CNTN4: variants seen among roughly 807,000 people sequenced by gnomAD.
CNTN4 encodes contactin 4.
A neutral mutation model predicts 122.5 loss-of-function variants in CNTN4; 77 were observed. The observed-to-expected ratio is 0.63, with a 90% CI of 0.52 to 0.76. The LOEUF (loss-of-function observed/expected upper bound fraction) is 0.76. CNTN4 is among the 30% of genes least tolerant of loss of function. The pLI is 0.00. For missense variants in CNTN4, 1,256 were observed against 1,259.1 expected (o/e 1.00, Z 0.04); for synonymous variants, 512 against 447.0 (o/e 1.15, Z -1.83).
In CNTN4 at chr3:2,613,634, C is replaced by G. The variant is rs533963584; in HGVS notation, c.55+42076C>G. On this transcript the variant is annotated intron_variant, in intron 4 of 24. Coordinates refer to ENST00000418658, the MANE Select transcript of CNTN4 (RefSeq NM_175607.3). ...ACTTTTTGTAGGGCTAATTTTGACT[C>G]CAATTTTTGCTATATGATCAGAGTT... Among the ~76,000 whole-genome samples, 22 of 152,102 alleles carry G rather than the reference C, an allele frequency of 1.4e-4. 1 individual carries two copies. In the South Asian group the frequency reaches 4.6e-3, roughly 32 times the overall value.
intron 7 of CNTN4, among the ~76,000 whole-genome samples, chr3:2,861,054 G>T (rs775990020): frequency 7.9e-5 from 12 of 152,256 alleles, no homozygotes; most frequent in Non-Finnish European, 1.3e-4. Context: ...TGAAAAAAAT[G>T]CCAAAAGAAA....
chr3:2,603,998 A>G (rs1033438972), intron 4 of CNTN4, among the ~76,000 whole-genome samples: 8 of 152,180 alleles, frequency 5.3e-5, no homozygotes, highest in Non-Finnish European at 8.8e-5. Flanking sequence ...CTTTCTGTCA[A>G]TGCCTGCTTC....
intron 6 of CNTN4, among the ~76,000 whole-genome samples, chr3:2,801,889 C>T (rs1461556088): frequency 1.3e-5 from 2 of 152,126 alleles, no homozygotes; most frequent in Non-Finnish European, 2.9e-5. Context: ...ATACTTAATG[C>T]CATCCATGTC....
chr3:2,128,777 G>T (rs1253226912), intron 2 of CNTN4, among the ~76,000 whole-genome samples: 1 of 152,172 alleles, frequency 6.6e-6, no homozygotes, highest in African/African-American at 2.4e-5. Flanking sequence ...ATTTGCACAG[G>T]GGTGAGATGT....
intron 6 of CNTN4, among the ~76,000 whole-genome samples, chr3:2,789,519 G>A (rs944327234): frequency 2.0e-5 from 3 of 152,114 alleles, no homozygotes; most frequent in Non-Finnish European, 4.4e-5. Flanking sequence ...TGCAACCTCC[G>A]CCTCCCGGGT....
At chr3:2,670,548 A>G (rs1055159409) in intron 4 of CNTN4, among the ~76,000 whole-genome samples, 1 of 146,016 alleles carries the variant, frequency 6.8e-6, no homozygotes, top group Non-Finnish European at 1.5e-5. Flanking sequence ...TCTTTATCCA[A>G]TTTGCCAGTC....
chr3:2,917,037 C>T (rs1275415573), intron 12 of CNTN4, among the ~76,000 whole-genome samples: 1 of 125,226 alleles, frequency 8.0e-6, no homozygotes, highest in Non-Finnish European at 1.7e-5. Flanking sequence ...AACCAGACTC[C>T]GTCTGCCATC....
intron 3 of CNTN4, among the ~76,000 whole-genome samples, chr3:2,418,918 C>T (rs1393934828): frequency 2.0e-5 from 3 of 151,946 alleles, no homozygotes; most frequent in Non-Finnish European, 4.4e-5. Context: ...ATCCTACAAC[C>T]CGTAGGATGA....
intron 14 of CNTN4, among the ~76,000 whole-genome samples, chr3:2,991,778 G>A (rs1350461451): frequency 1.3e-5 from 2 of 152,152 alleles, no homozygotes; most frequent in Admixed American, 6.5e-5. Flanking sequence ...CTTGAGCCCT[G>A]CACCTTTAGT....
At chr3:2,697,052 T>A (rs2086077174) in intron 4 of CNTN4, among the ~76,000 whole-genome samples, 1 of 152,240 alleles carries the variant, frequency 6.6e-6, no homozygotes, top group South Asian at 2.1e-4. Flanking sequence ...CTGCCTATTC[T>A]ATGGTGTTTG....
At chr3:2,540,103 A>G (rs1259053970) in intron 3 of CNTN4, among the ~76,000 whole-genome samples, 1 of 151,796 alleles carries the variant, frequency 6.6e-6, no homozygotes, top group African/African-American at 2.4e-5. Flanking sequence ...GTGTATCAGC[A>G]AATATTTTTT....
intron 6 of CNTN4, among the ~76,000 whole-genome samples, chr3:2,815,853 A>AGTGGGCACTTATT (rs1431282874): frequency 7.2e-6 from 1 of 138,574 alleles, no homozygotes; most frequent in East Asian, 2.0e-4. Context: ...TCAATCAATA[A>AGTGGGCACTTATT]GTGGCTAAAG....
intron 2 of CNTN4, among the ~76,000 whole-genome samples, chr3:2,203,845 A>G (rs1011838314): frequency 1.3e-5 from 2 of 152,180 alleles, no homozygotes; most frequent in African/African-American, 4.8e-5. Context: ...GGTAGAAGCC[A>G]GTAAACAGAA....
chr3:2,856,360 C>G (rs2093618019), intron 7 of CNTN4, among the ~76,000 whole-genome samples: 1 of 152,098 alleles, frequency 6.6e-6, no homozygotes, highest in African/African-American at 2.4e-5. Flanking sequence ...TGTAATTTTC[C>G]TGGTCAGGAA....
At chr3:2,998,745 A>G (rs1237673872) in intron 14 of CNTN4, among the ~76,000 whole-genome samples, 1 of 152,208 alleles carries the variant, frequency 6.6e-6, no homozygotes, top group African/African-American at 2.4e-5. Flanking sequence ...TACAGTGGAA[A>G]AGTGAGGGGA....
chr3:2,613,988 T>G (rs1559305567), intron 4 of CNTN4, among the ~76,000 whole-genome samples: 1 of 152,102 alleles, frequency 6.6e-6, no homozygotes, highest in South Asian at 2.1e-4. Flanking sequence ...ATGAATGAGA[T>G]AGATAAAGTA....
intron 14 of CNTN4, among the ~76,000 whole-genome samples, chr3:3,002,224 A>C (rs543987138): frequency 3.9e-5 from 6 of 152,270 alleles, no homozygotes; most frequent in Admixed American, 3.9e-4. Context: ...TGAATGACAA[A>C]ATTTGTGCTA....
At position 2,552,115 on chromosome 3, in the gene CNTN4, A is replaced by G. The variant is rs1019731196; in HGVS notation, c.-88-19301A>G. 1.1e-4 allele frequency among the ~76,000 whole-genome samples: 17 copies of G among 152,344 alleles called. No individual in the cohort carries two copies. In the East Asian group the frequency reaches 2.5e-3, roughly 22 times the overall value. ...TACTTAAGGTAAACTAAATCTTAAG[A>G]TAAGTGAGGCCAGAGTAAAGGAGCA... is the stretch of plus-strand genomic sequence containing the variant. On this transcript the variant is annotated intron_variant, in intron 3 of 24. Transcript: ENST00000418658.
intron 7 of CNTN4, chr3:2,866,464 T>G (rs1448790358): frequency 4.0e-6 from 5 of 1,258,084 alleles, no homozygotes; most frequent in Non-Finnish European, 5.0e-6. Context: ...TGACACCTGA[T>G]TAGCAAACTA....
Sources: gnomAD v4.1 joint callset for allele counts (sites outside exome capture counted in the v4.1 genomes callset) on GRCh38, gnomAD v4.1.1 for gene constraint, MANE v1.5 for transcripts, NCBI Gene and HGNC (gene_info 2026-07-23, HGNC 2026-07-21) for gene names.